Variants in LRIG1 observed in about 807,000 individuals in gnomAD.
LRIG1 encodes leucine-rich repeats and immunoglobulin-like domains protein 1.
Under a neutral mutation model 99.2 loss-of-function variants are expected in LRIG1, and 48 were observed. The observed-to-expected ratio is 0.48, with a 90% CI of 0.38 to 0.62. The LOEUF is 0.62. Ranked by LOEUF, LRIG1 falls within the 20% of genes least tolerant of loss-of-function variation. The pLI, the probability that LRIG1 is intolerant of heterozygous loss-of-function variation, is 0.00. For missense variants in LRIG1, 1,646 were observed against 1,434.4 expected (o/e 1.15, Z -2.38); for synonymous variants, 772 against 596.1 (o/e 1.29, Z -4.30).
intron 3 of LRIG1, among the ~76,000 whole-genome samples, chr3:66,418,209 A>T (rs936888069): frequency 6.6e-6 from 1 of 152,106 alleles, no homozygotes; most frequent in African/African-American, 2.4e-5. Flanking sequence ...CTTCTGCCTC[A>T]GCCTCCCAGA....
At chr3:66,447,187 A>G (rs1458678282) in intron 3 of LRIG1, among the ~76,000 whole-genome samples, 1 of 152,214 alleles carries the variant, frequency 6.6e-6, no homozygotes, top group Non-Finnish European at 1.5e-5. Flanking sequence ...TGGGGCATCC[A>G]TGCCCTCAAG....
chr3:66,493,730 A>G (rs1701156632), intron 1 of LRIG1, among the ~76,000 whole-genome samples: 1 of 152,134 alleles, frequency 6.6e-6, no homozygotes, highest in Admixed American at 6.5e-5. Flanking sequence ...CACGAGGCTG[A>G]GGCTGCAGTG....
intron 1 of LRIG1, among the ~76,000 whole-genome samples, chr3:66,480,238 T>C (rs1176130911): frequency 6.6e-6 from 1 of 152,204 alleles, no homozygotes; most frequent in Non-Finnish European, 1.5e-5. Flanking sequence ...ATTCTATTTA[T>C]ATGAATTGTC....
At chr3:66,389,575 G>C (rs1052721571) in intron 12 of LRIG1, among the ~76,000 whole-genome samples, 1 of 152,066 alleles carries the variant, frequency 6.6e-6, no homozygotes, top group African/African-American at 2.4e-5. Context: ...TTTTACTACA[G>C]AGACAGAATA....
chr3:66,425,152 G>A (rs1702938413), intron 3 of LRIG1, among the ~76,000 whole-genome samples: 1 of 152,208 alleles, frequency 6.6e-6, no homozygotes, highest in Non-Finnish European at 1.5e-5. Context: ...AGAGGAGCCG[G>A]GATGCAAGCC....
At chr3:66,437,039 A>C (rs547910159) in intron 3 of LRIG1, among the ~76,000 whole-genome samples, 4 of 152,264 alleles carry the variant, frequency 2.6e-5, no homozygotes, top group African/African-American at 9.6e-5. Context: ...ATCTACTGGC[A>C]CCTCTAGAAT....
At chr3:66,448,762 T>A (rs1303225215) in intron 3 of LRIG1, among the ~76,000 whole-genome samples, 1 of 150,916 alleles carries the variant, frequency 6.6e-6, no homozygotes, top group African/African-American at 2.5e-5. Flanking sequence ...ATTTTGATTA[T>A]TTTTTTCTGA....
chr3:66,397,149 A>C (rs1273917107), intron 11 of LRIG1, among the ~76,000 whole-genome samples: 2 of 152,196 alleles, frequency 1.3e-5, no homozygotes, highest in Non-Finnish European at 2.9e-5. Flanking sequence ...CAGCATGCTG[A>C]ACATCACAGG....
intron 2 of LRIG1, among the ~76,000 whole-genome samples, chr3:66,457,906 G>A (rs1251776228): frequency 2.0e-5 from 3 of 152,108 alleles, no homozygotes; most frequent in African/African-American, 7.2e-5. Context: ...CACTAATCAC[G>A]CAATTTCAGC....
intron 5 of LRIG1, 152 bp from the exon 6 acceptor site, chr3:66,413,166 T>G (rs1400322386): frequency 1.2e-6 from 1 of 827,402 alleles, no homozygotes; most frequent in South Asian, 1.7e-5. Context: ...GAGCCCACCA[T>G]GTGTCTCGGC....
chr3:66,405,618 C>A, intron 8 of LRIG1: 3 of 709,886 alleles, frequency 4.2e-6, no homozygotes, highest in Non-Finnish European at 5.9e-6. Flanking sequence ...TGAGAATCAA[C>A]CCAAAAGGTT....
At chr3:66,498,814 G>C (rs976215331) in intron 1 of LRIG1, among the ~76,000 whole-genome samples, 6 of 152,182 alleles carry the variant, frequency 3.9e-5, no homozygotes, top group Admixed American at 6.5e-5. Context: ...ATGGAGCAGT[G>C]TCTCGGGCCA....
At chr3:66,485,345 T>A (rs530723359) in intron 1 of LRIG1, among the ~76,000 whole-genome samples, 22 of 152,178 alleles carry the variant, frequency 1.4e-4, no homozygotes, top group African/African-American at 5.1e-4. Context: ...TGCCAAAGAT[T>A]TCAGGCGGTG....
chr3:66,380,546 A>C (rs1335769766), intron 18 of LRIG1, 31 bp downstream of exon 18: 1 of 1,613,456 alleles, frequency 6.2e-7, no homozygotes, highest in Admixed American at 1.7e-5. Flanking sequence ...GCAGCTCCCA[A>C]CCCACCTGTT....
chr3:66,440,877 G>C (rs1305870294), intron 3 of LRIG1, among the ~76,000 whole-genome samples: 1 of 152,200 alleles, frequency 6.6e-6, no homozygotes, highest in Non-Finnish European at 1.5e-5. Flanking sequence ...GATGCAGGCA[G>C]GACTCAAACC....
intron 3 of LRIG1, among the ~76,000 whole-genome samples, chr3:66,426,482 C>G (rs979128170): frequency 6.6e-6 from 1 of 152,204 alleles, no homozygotes; most frequent in Non-Finnish European, 1.5e-5. Context: ...ATAAATCACT[C>G]TTTCTCTACC....
At position 66,378,906 on chromosome 3, in the gene LRIG1, A is replaced by C. The variant is rs1298395524; in HGVS notation, c.*1357T>G. ...ACTGTACCAAAATTTCTATAAATAA[A>C]TAACTTTGTACATAAAAGTAATACT... is the stretch of plus-strand genomic sequence containing the variant. On this transcript the variant is annotated 3_prime_UTR_variant, in exon 19 of 19. Transcript: ENST00000273261. 2.0e-5 allele frequency: 3 copies of C among 152,672 alleles called. No individual in the cohort carries two copies. The East Asian group carries it at 5.8e-4, about 29-fold the overall frequency. 9.5% of individuals were successfully genotyped at this position (152,672 alleles called of 1,614,324 possible). A position where few individuals can be genotyped will look rare whatever the true frequency, so the allele number is the denominator to read the frequency against.
chr3:66,381,356 C>T lies in LRIG1; in HGVS notation c.2770+123G>A, dbSNP rs377363202. The T allele has an allele frequency of 3.1e-6, 3 of 955,080 alleles. No homozygotes were observed. In the East Asian group the frequency reaches 7.3e-5, roughly 23 times the overall value. The allele number at this position is 955,080 out of a possible 1,614,324, so 59.2% of individuals were successfully genotyped here. ...CAGGCCTGAGCTTCCCCTGTATATACTGAATACCAAATTTGGAGACAGCTG... is the reference window on the plus strand; with the variant it reads ...CAGGCCTGAGCTTCCCCTGTATATATTGAATACCAAATTTGGAGACAGCTG... On this transcript the variant is annotated intron_variant, in intron 17 of 18. Transcript: ENST00000273261.
intron 14 of LRIG1, among the ~76,000 whole-genome samples, 186 bp downstream of exon 14, chr3:66,383,805 T>A (rs963296437): frequency 2.0e-5 from 3 of 152,210 alleles, no homozygotes; most frequent in African/African-American, 7.2e-5. Context: ...CCAGCTATCA[T>A]TTCTTTTAAA....
Sources: gnomAD v4.1 joint callset for allele counts (sites outside exome capture counted in the v4.1 genomes callset) on GRCh38, gnomAD v4.1.1 for gene constraint, MANE v1.5 for transcripts, NCBI Gene and HGNC (gene_info 2026-07-23, HGNC 2026-07-21) for gene names.